The following UTP20 variants were observed in gnomAD, a reference collection of about 807,000 sequenced individuals.
UTP20 encodes the protein UTP20 small subunit processome component.
UTP20 carries 164 observed loss-of-function variants against 329.5 expected under a neutral mutation model. That is an observed-to-expected ratio of 0.50 (90% confidence interval 0.44 to 0.57). UTP20 has a LOEUF of 0.57. UTP20 is among the 20% of genes least tolerant of loss of function. The probability of loss-of-function intolerance (pLI) is 0.00; values close to 1 mark genes in which losing one functional copy is unlikely to be tolerated. For synonymous variants in UTP20, 1,151 were observed against 1,159.3 expected (o/e 0.99, Z 0.14); for missense variants, 3,055 against 3,284.2 (o/e 0.93, Z 1.71).
chr12:101,325,523 T>A (rs1488027982), intron 25 of UTP20, among the ~76,000 whole-genome samples: 1 of 152,238 alleles, frequency 6.6e-6, no homozygotes, highest in Non-Finnish European at 1.5e-5. Context: ...TAGTCATTCT[T>A]CATTGCCACA....
intron 56 of UTP20, 49 bp from the exon 57 acceptor site, chr12:101,379,322 T>C: frequency 6.7e-7 from 1 of 1,491,630 alleles, no homozygotes; most frequent in Non-Finnish European, 9.1e-7. Context: ...TATTTACCTC[T>C]AATCAGGAAG....
Position 101,317,537 on chromosome 12 carries a change from G to T in UTP20, c.2612G>T (p.Gly871Val), listed in dbSNP as rs762442450. The T allele has an allele frequency of 3.1e-6, 5 of 1,614,062 alleles. No homozygotes were observed. In the Admixed American group the frequency reaches 5.0e-5, roughly 16 times the overall value. ...VAPTQDLRRK[G>V]KGMVAEEIEE... ...CCAACCCAGGATCTACGGAGAAAAG[G>T]CAAAGGGATGGTGGCAGAGGAAATC... Residue 871 changes from glycine (G) to valine (V), a missense_variant, in exon 22 of 62, where the codon GGC (glycine) becomes GTC (valine). By Grantham distance (109) the Gly-to-Val change is moderately radical. Transcript: ENST00000261637.
At chr12:101,285,508 AT>A in intron 2 of UTP20, 61 bp from the exon 3 acceptor site, 2 of 1,514,734 alleles carry the variant, frequency 1.3e-6, no homozygotes, top group Non-Finnish European at 1.8e-6. Flanking sequence ...TCATTATTCT[AT>A]TTACCTTGAT....
chr12:101,368,108 GT>G, intron 48 of UTP20, 132 bp downstream of exon 48: 1 of 636,144 alleles, frequency 1.6e-6, no homozygotes, highest in South Asian at 2.1e-5. Context: ...TGGTTGGTGG[GT>G]TTTTTGGGGT....
chr12:101,291,984 A>G lies in UTP20; in HGVS notation c.1053A>G (p.Thr351=), dbSNP rs766625323. Residue 351 remains threonine, a synonymous_variant, in exon 10 of 62, where the codon ACA becomes ACG. Transcript: ENST00000261637. ...TCTTTTTGCAGGTGTTATCTCAAAC[A>G]CTGCAAGTAGCCAGTCTCTCCACAT... ...PADVCKVLSQ[T]LQVASLSTSC... 6.2e-6 allele frequency: 10 copies of G among 1,613,004 alleles called. No homozygotes were observed. The East Asian group carries it at 1.1e-4, about 18-fold the overall frequency.
chr12:101,375,169 C>T (rs906159729), intron 55 of UTP20, among the ~76,000 whole-genome samples: 1 of 151,964 alleles, frequency 6.6e-6, no homozygotes, highest in Non-Finnish European at 1.5e-5. Flanking sequence ...GGCATGGTAG[C>T]GCATGCCTGT....
chr12:101,285,740 C>G lies in UTP20; in HGVS notation c.194-9C>G. On this transcript the variant is annotated splice_polypyrimidine_tract_variant and intron_variant, in intron 3 of 61. Coordinates refer to ENST00000261637, the MANE Select transcript of UTP20 (RefSeq NM_014503.3). ...TAGAAAAGAACATATTTTTTTTTCC[C>G]CCACTCAGGAAAATTTTACAAAGAA... 6.2e-7 allele frequency: 1 copy of G among 1,608,460 alleles called. No individual in the cohort carries two copies. The highest frequency in any genetic ancestry group is 8.5e-7 in the Non-Finnish European group (1 of 1,178,310).
At chr12:101,340,149 A>G (rs2137275878) in intron 31 of UTP20, among the ~76,000 whole-genome samples, 1 of 152,304 alleles carries the variant, frequency 6.6e-6, no homozygotes, top group East Asian at 1.9e-4. Context: ...TGGGTGTTAA[A>G]TTGAAATACT....
chr12:101,329,356 T>G lies in UTP20; in HGVS notation c.3324T>G (p.Ile1108Met). ...LNSLEIVLKN[I>M]SHLISAYLPK... is the part of the protein sequence containing the mutation. ...GCCTTGAGATAGTATTGAAAAACAT[T>G]AGTCATCTGATCAGCGCATACCTGC... Residue 1108 changes from isoleucine (I) to methionine (M), a missense_variant, in exon 27 of 62, where the codon ATT (isoleucine) becomes ATG (methionine). Coordinates refer to ENST00000261637, the MANE Select transcript of UTP20 (RefSeq NM_014503.3). 2 of 1,614,136 alleles carry G rather than the reference T, an allele frequency of 1.2e-6. No homozygotes were observed. Among genetic ancestry groups the G allele is most frequent in the South Asian group, 2.2e-5 (2 of 91,072 alleles).
Position 101,366,660 on chromosome 12 carries a change from G to C in UTP20, c.6228G>C (p.Arg2076Ser). 1 of 1,614,092 alleles carries C rather than the reference G, an allele frequency of 6.2e-7. No homozygotes were observed. ...GTGGACAGAAAGCTGTTGTGAGCAGGAAAACCAACATGCACATATTTATTG... is the reference window on the plus strand; with the variant it reads ...GTGGACAGAAAGCTGTTGTGAGCAGCAAAACCAACATGCACATATTTATTG... ...VRGGQKAVVS[R>S]KTNMHIFIES... Residue 2076 changes from arginine (R) to serine (S), a missense_variant, in exon 47 of 62, where the codon AGG becomes AGC. Transcript: ENST00000261637.
chr12:101,285,964 C>A, intron 4 of UTP20, 83 bp downstream of exon 4: 2 of 1,525,798 alleles, frequency 1.3e-6, no homozygotes, highest in Non-Finnish European at 1.8e-6. Flanking sequence ...ACATATACCG[C>A]AGATCAGGTG....
At chr12:101,317,896 G>A (rs181937243) in intron 22 of UTP20, among the ~76,000 whole-genome samples, 92 of 152,280 alleles carry the variant, frequency 6.0e-4, no homozygotes, top group African/African-American at 2.2e-3. Flanking sequence ...GGACTTTTGA[G>A]AGTCATCTAA....
chr12:101,340,869 C>T (rs933976674), intron 32 of UTP20, among the ~76,000 whole-genome samples: 2 of 148,758 alleles, frequency 1.3e-5, no homozygotes, highest in East Asian at 3.9e-4. Flanking sequence ...CCTTGTTTAG[C>T]TTCTGATTCA....
Position 101,369,706 on chromosome 12 carries a change from T to G in UTP20, c.6385-15T>G. 1 of 1,415,966 alleles carries G rather than the reference T, an allele frequency of 7.1e-7. No homozygotes were observed. Among genetic ancestry groups the G allele is most frequent in the South Asian group, 1.2e-5 (1 of 86,900 alleles). The allele number at this position is 1,415,966 out of a possible 1,614,324, so 87.7% of individuals were successfully genotyped here. ...CACATCACAAGTTGGTGGTGTTTTG[T>G]TTTGTTTTTTTCAGGTGATCACAGG... On this transcript the variant is annotated splice_polypyrimidine_tract_variant and intron_variant, in intron 48 of 61. Coordinates refer to ENST00000261637, the MANE Select transcript of UTP20 (RefSeq NM_014503.3).
Position 101,344,847 on chromosome 12 carries a change from A to G in UTP20, c.4605+97A>G, listed in dbSNP as rs909330777. On this transcript the variant is annotated intron_variant, in intron 36 of 61. Coordinates refer to ENST00000261637, the MANE Select transcript of UTP20 (RefSeq NM_014503.3). The stretch of plus-strand genomic sequence containing the variant: ...GTTGTATAGAAAAGTAGTCAGGCTT[A>G]GTGCATTTAATGAGAATACTTGGTT... 21 of 920,572 alleles carry G rather than the reference A, an allele frequency of 2.3e-5. No homozygotes were observed. The African/African-American group carries it at 2.9e-4, about 13-fold the overall frequency. The allele number at this position is 920,572 out of a possible 1,614,324, so 57.0% of individuals were successfully genotyped here. A position where few individuals can be genotyped will look rare whatever the true frequency, so the allele number is the denominator to read the frequency against.
At chr12:101,319,237 G>T (rs1170394981) in intron 22 of UTP20, among the ~76,000 whole-genome samples, 1 of 152,120 alleles carries the variant, frequency 6.6e-6, no homozygotes, top group Non-Finnish European at 1.5e-5. Context: ...AAAATCATCT[G>T]AGTTTAATTT....
chr12:101,352,777 A>G (rs1869577163), intron 39 of UTP20, among the ~76,000 whole-genome samples: 1 of 148,320 alleles, frequency 6.7e-6, no homozygotes, highest in Non-Finnish European at 1.5e-5. Flanking sequence ...TAACCTGCAC[A>G]TTGTGCACAT....
intron 2 of UTP20, among the ~76,000 whole-genome samples, chr12:101,282,054 C>T (rs905269839): frequency 6.6e-6 from 1 of 152,176 alleles, no homozygotes; most frequent in African/African-American, 2.4e-5. Flanking sequence ...GTTATTCCTC[C>T]TAGCATTTTA....
intron 47 of UTP20, among the ~76,000 whole-genome samples, chr12:101,367,229 G>A (rs1018062857): frequency 6.6e-6 from 1 of 152,046 alleles, no homozygotes; most frequent in Non-Finnish European, 1.5e-5. Context: ...AGGCTGCAGT[G>A]AGCTATTAAC....
Sources: allele counts gnomAD v4.1 joint callset (sites outside exome capture counted in the v4.1 genomes callset), GRCh38; gene constraint gnomAD v4.1.1; transcripts MANE v1.5; gene names NCBI Gene and HGNC (gene_info 2026-07-23, HGNC 2026-07-21).